The following TP73 variants were observed in gnomAD, a reference collection of about 807,000 sequenced individuals.
TP73 encodes the protein p53-like transcription factor.
Under a neutral mutation model 62.5 loss-of-function variants are expected in TP73, and 25 were observed. The observed-to-expected ratio is 0.40, with a 90% CI of 0.29 to 0.56. The LOEUF is 0.56. Ranked by LOEUF, TP73 falls within the 20% of genes least tolerant of loss-of-function variation. TP73 has a pLI of 0.46. For missense variants in TP73, 754 were observed against 913.3 expected (o/e 0.83, Z 2.25); for synonymous variants, 423 against 377.5 (o/e 1.12, Z -1.40).
intron 3 of TP73, chr1:3,690,931 G>C: frequency 6.3e-7 from 1 of 1,580,480 alleles, no homozygotes; most frequent in Non-Finnish European, 8.6e-7. Flanking sequence ...GACCCCGCAC[G>C]GCACCTCGCC....
At chr1:3,720,192 A>G (rs2124468933) in intron 4 of TP73, among the ~76,000 whole-genome samples, 1 of 152,344 alleles carries the variant, frequency 6.6e-6, no homozygotes, top group East Asian at 1.9e-4. Flanking sequence ...CTGGGATTAC[A>G]GGCGTGAGCC....
chr1:3,731,018 C>T lies in TP73; in HGVS notation c.1437C>T (p.Ser479=), dbSNP rs1642096684. 6.2e-7 allele frequency: 1 copy of T among 1,612,372 alleles called. No homozygotes were observed. Among genetic ancestry groups the T allele is most frequent in the Non-Finnish European group, 8.5e-7 (1 of 1,179,836 alleles). Residue 479 remains serine, a synonymous_variant, in exon 12 of 14, where the codon TCC becomes TCT. Transcript: ENST00000378295. ...SHSAQSMVSG[S]HCTPPPPYHA... The stretch of plus-strand genomic sequence containing the variant: ...GCGCCCAGTCCATGGTCTCGGGGTC[C>T]CACTGCACTCCGCCACCCCCCTACC...
chr1:3,693,447 C>T (rs1638254532), intron 3 of TP73, among the ~76,000 whole-genome samples: 1 of 152,170 alleles, frequency 6.6e-6, no homozygotes, highest in African/African-American at 2.4e-5. Context: ...CTGGGCCCGC[C>T]AATTGCCCCC....
At chr1:3,717,692 C>T (rs1640723779) in intron 4 of TP73, among the ~76,000 whole-genome samples, 1 of 152,186 alleles carries the variant, frequency 6.6e-6, no homozygotes, top group Non-Finnish European at 1.5e-5. Context: ...GAGGAAGGAG[C>T]TGGGGGAGCG....
chr1:3,669,922 A>G (rs1645202513), intron 1 of TP73, among the ~76,000 whole-genome samples: 1 of 152,206 alleles, frequency 6.6e-6, no homozygotes, highest in Non-Finnish European at 1.5e-5. Context: ...AGGTGTGTCC[A>G]TGTGCATGTA....
rs1641144288 is a variant in TP73, at chr1:3,722,400, CCTGGGCAGGGGCAAGTGGT to C, written c.616+202_616+220del. Among the ~76,000 whole-genome samples the C allele has an allele frequency of 2.0e-5, 3 of 152,230 alleles. No homozygotes were observed. In the South Asian group the frequency reaches 6.2e-4, roughly 32 times the overall value. ...AGTGGGACCTGGGGGGGCCCATGCTCCTGGGCAGGGGCAAGTGGTCTGGGCAGAGTCTGAGGGGCAGCGG... is the reference window on the plus strand; with the variant it reads ...AGTGGGACCTGGGGGGGCCCATGCTCCTGGGCAGAGTCTGAGGGGCAGCGG... On this transcript the variant is annotated intron_variant, in intron 5 of 13. Coordinates refer to ENST00000378295, the MANE Select transcript of TP73 (RefSeq NM_005427.4).
At chr1:3,729,854 G>A in intron 10 of TP73, 146 bp from the exon 11 acceptor site, 2 of 1,214,610 alleles carry the variant, frequency 1.6e-6, no homozygotes, top group Non-Finnish European at 2.3e-6. Flanking sequence ...CCATGGTTGG[G>A]GACAGGGAGG....
rs535651058 is a variant in TP73 at position 3,727,366 on chromosome 1, G to A, written c.842+142G>A. Reference sequence around the variant, plus strand: ...GGGTGTGCTGCTGGAGGAAGGAACCGCCCCCTGGCCTGCAGGGCCTGCCTG... The same window carrying A: ...GGGTGTGCTGCTGGAGGAAGGAACCACCCCCTGGCCTGCAGGGCCTGCCTG... On this transcript the variant is annotated intron_variant, in intron 7 of 13. Coordinates refer to ENST00000378295, the MANE Select transcript of TP73 (RefSeq NM_005427.4). 1.6e-4 allele frequency: 158 copies of A among 973,796 alleles called. 1 individual carries two copies. The highest frequency in any genetic ancestry group is 1.2e-3 in the African/African-American group (75 of 61,050). 60.3% of individuals were successfully genotyped at this position (973,796 alleles called of 1,614,324 possible).
intron 4 of TP73, among the ~76,000 whole-genome samples, chr1:3,716,677 T>C (rs1017783018): frequency 6.6e-6 from 1 of 152,154 alleles, no homozygotes; most frequent in Non-Finnish European, 1.5e-5. Context: ...AAGGGGGCTG[T>C]CACCAAGGGG....
At chr1:3,686,950 C>T (rs555322643) in intron 3 of TP73, among the ~76,000 whole-genome samples, 14 of 152,248 alleles carry the variant, frequency 9.2e-5, no homozygotes, top group South Asian at 6.2e-4. Context: ...ATGTGACAAA[C>T]GCTAGGTGTG....
chr1:3,653,341 C>G (rs1344746511), intron 1 of TP73, among the ~76,000 whole-genome samples: 1 of 152,218 alleles, frequency 6.6e-6, no homozygotes. Flanking sequence ...CTCACGCCCC[C>G]TTAGCTCCTG....
In TP73 at chr1:3,728,112, C is replaced by T; in HGVS notation, c.986-17C>T. 2 of 1,604,906 alleles carry T rather than the reference C, an allele frequency of 1.2e-6. No individual in the cohort carries two copies. Among genetic ancestry groups the T allele is most frequent in the Non-Finnish European group, 1.7e-6 (2 of 1,177,834 alleles). On this transcript the variant is annotated splice_polypyrimidine_tract_variant and intron_variant, in intron 8 of 13. Coordinates refer to ENST00000378295, the MANE Select transcript of TP73 (RefSeq NM_005427.4). ...GGTCCTGCCTGCTCACCCCGCCTGC[C>T]CTGCCTGGCCTTCCAGCCTTCAAGC...
chr1:3,694,789 A>C lies in TP73; in HGVS notation c.186+11609A>C, dbSNP rs113658169. The stretch of plus-strand genomic sequence containing the variant: ...AGCCCCTCCTCCTGCAATCCCAGCC[A>C]TGCAGCCTCAGACCCTTCCTCCCAC... On this transcript the variant is annotated intron_variant, in intron 3 of 13. Coordinates refer to ENST00000378295, the MANE Select transcript of TP73 (RefSeq NM_005427.4). 3.4e-5 allele frequency among the ~76,000 whole-genome samples: 4 copies of C among 117,646 alleles called. 1 individual carries two copies. Among genetic ancestry groups the C allele is most frequent in the Admixed American group, 1.8e-4 (2 of 11,326 alleles). The allele number at this position is 117,646 out of a possible 152,430, so 77.2% of individuals were successfully genotyped here. A position where few individuals can be genotyped will look rare whatever the true frequency, so the allele number is the denominator to read the frequency against.
At position 3,729,961 on chromosome 1, in the gene TP73, C is replaced by A. The variant is rs892683658; in HGVS notation, c.1197-39C>A. On this transcript the variant is annotated intron_variant, in intron 10 of 13. Coordinates refer to ENST00000378295, the MANE Select transcript of TP73 (RefSeq NM_005427.4). ...TGGGTGGTCGGTGGGCACGAGGCTG[C>A]CTTGCTTCCCACCCATGCGAGCCGT... is the stretch of plus-strand genomic sequence containing the variant. 11 of 1,550,022 alleles carry A rather than the reference C, an allele frequency of 7.1e-6. No individual in the cohort carries two copies. In the African/African-American group the frequency reaches 1.5e-4, roughly 21 times the overall value.
Position 3,733,684 on chromosome 1 carries a change from T to G in TP73, c.*605T>G, listed in dbSNP as rs1642299399. ...GCACGCTGTATTCTGCAGGACCGCC[T>G]CCTTCCTGCCCCTAACAACAACCAC... On this transcript the variant is annotated 3_prime_UTR_variant, in exon 14 of 14. Coordinates refer to ENST00000378295, the MANE Select transcript of TP73 (RefSeq NM_005427.4). The G allele has an allele frequency of 6.5e-6, 1 of 154,232 alleles. No homozygotes were observed. The highest frequency in any genetic ancestry group is 1.5e-5 in the Non-Finnish European group (1 of 68,562). 9.6% of individuals were successfully genotyped at this position (154,232 alleles called of 1,614,324 possible).
rs758128145 is a variant in TP73 at position 3,730,128 on chromosome 1, C to T, written c.1325C>T (p.Thr442Ile). Residue 442 changes from threonine (T) to isoleucine (I), a missense_variant, in exon 11 of 14, where the codon ACA becomes ATA. By Grantham distance (89) the Thr-to-Ile change is moderately conservative. This residue lies in a region of TP73 where 458 missense variants were observed against 528.7 expected (regional missense o/e 0.87). Coordinates refer to ENST00000378295, the MANE Select transcript of TP73 (RefSeq NM_005427.4). ...GQPPPHSSAA[T>I]PNLGPVGPGM... ...CCTCCCCCGCACAGTTCGGCAGCTA[C>T]ACCCAACCTGGGGCCCGTGGGTGAG... The T allele has an allele frequency of 1.3e-6, 2 of 1,562,768 alleles. No homozygotes were observed. Among genetic ancestry groups the T allele is most frequent in the African/African-American group, 1.4e-5 (1 of 73,854 alleles).
intron 1 of TP73, among the ~76,000 whole-genome samples, chr1:3,671,008 G>A (rs755146049): frequency 2.1e-4 from 32 of 152,334 alleles, no homozygotes; most frequent in Non-Finnish European, 3.7e-4. Context: ...GAAGACCAGC[G>A]TCTCTTAAAT....
At chr1:3,675,424 C>T (rs183037961) in intron 1 of TP73, among the ~76,000 whole-genome samples, 17 of 152,294 alleles carry the variant, frequency 1.1e-4, no homozygotes, top group Admixed American at 9.8e-4. Flanking sequence ...TTGGGAACCA[C>T]CGGAATCAGA....
chr1:3,729,774 C>T (rs1227527956), intron 10 of TP73: 8 of 753,222 alleles, frequency 1.1e-5, no homozygotes, highest in Non-Finnish European at 1.7e-5. Flanking sequence ...TGGCACAGGT[C>T]ATCCCCCTGC....
Sources: gnomAD v4.1 joint callset for allele counts (sites outside exome capture counted in the v4.1 genomes callset) on GRCh38, gnomAD v4.1.1 for gene constraint, gnomAD v4.1.1 regional missense constraint, MANE v1.5 for transcripts, NCBI Gene and HGNC (gene_info 2026-07-23, HGNC 2026-07-21) for gene names.